UBASH3A: variants seen among roughly 807,000 people sequenced by gnomAD.
UBASH3A encodes the protein ubiquitin associated and SH3 domain containing A.
UBASH3A carries 63 observed loss-of-function variants against 73.5 expected under a neutral mutation model. The ratio of observed to expected loss-of-function variants is 0.86; its 90% CI spans 0.70 to 1.06. The LOEUF (loss-of-function observed/expected upper bound fraction) is 1.06, where lower values mean the gene tolerates loss of function less well. Among genes scored for constraint, UBASH3A ranks in the 50% least tolerant of loss-of-function variants. UBASH3A has a pLI of 0.00. For missense variants in UBASH3A, 860 were observed against 859.0 expected (o/e 1.00, Z -0.02); for synonymous variants, 363 against 351.1 (o/e 1.03, Z -0.38).
At position 42,403,917 on chromosome 21, in the gene UBASH3A, C is replaced by T. The variant is rs1166829687; in HGVS notation, c.-29C>T. 1.0e-5 allele frequency: 14 copies of T among 1,395,980 alleles called. No individual in the cohort carries two copies. Among genetic ancestry groups the T allele is most frequent in the African/African-American group, 5.9e-5 (4 of 68,064 alleles). 86.5% of individuals were successfully genotyped at this position (1,395,980 alleles called of 1,614,324 possible). A position where few individuals can be genotyped will look rare whatever the true frequency, so the allele number is the denominator to read the frequency against. ...TTATCTCCTCATTTCTGTGTGCAGG[C>T]GAGCTTCTTGGCCTAAGGGCAGGAA... On this transcript the variant is annotated 5_prime_UTR_variant, in exon 1 of 15. Coordinates refer to ENST00000319294, the MANE Select transcript of UBASH3A (RefSeq NM_018961.4).
intron 8 of UBASH3A, among the ~76,000 whole-genome samples, chr21:42,428,249 C>T (rs558138551): frequency 1.3e-5 from 2 of 152,222 alleles, no homozygotes; most frequent in African/African-American, 2.4e-5. Context: ...CCACACGCAG[C>T]GTCCCTGTCG....
chr21:42,405,041 A>G (rs2052939945), intron 1 of UBASH3A, among the ~76,000 whole-genome samples: 1 of 152,182 alleles, frequency 6.6e-6, no homozygotes, highest in Admixed American at 6.5e-5. Context: ...TATCAGAAAC[A>G]CACTTTAGGT....
At chr21:42,446,985 G>T (rs1221750582) in intron 14 of UBASH3A, 72 bp from the exon 15 acceptor site, 36 of 1,526,834 alleles carry the variant, frequency 2.4e-5, no homozygotes, top group Non-Finnish European at 3.0e-5. Context: ...CCTGACAGTT[G>T]GCTTTGGAGC....
At position 42,413,366 on chromosome 21, in the gene UBASH3A, TG is replaced by T; in HGVS notation, c.554-41del. 2 of 1,565,356 alleles carry T rather than the reference TG, an allele frequency of 1.3e-6. No homozygotes were observed. Among genetic ancestry groups the T allele is most frequent in the Non-Finnish European group, 1.7e-6 (2 of 1,142,916 alleles). On this transcript the variant is annotated intron_variant, in intron 4 of 14. Transcript: ENST00000319294. This position sits in a 1 kb window ranked among gnomAD's most constrained non-coding sequence, Gnocchi z 4.5. ...CAGCAGCAATGGTGGGATGGCTGGGTGGGCTTTCTTCCGGGCTCAGTGGCTG... is the reference window on the plus strand; with the variant it reads ...CAGCAGCAATGGTGGGATGGCTGGGTGGCTTTCTTCCGGGCTCAGTGGCTG...
chr21:42,432,750 G>C (rs1429773411), intron 9 of UBASH3A, among the ~76,000 whole-genome samples: 1 of 152,194 alleles, frequency 6.6e-6, no homozygotes, highest in African/African-American at 2.4e-5. Flanking sequence ...GCAGACCCAA[G>C]AAAGTGGTAA....
intron 2 of UBASH3A, among the ~76,000 whole-genome samples, chr21:42,408,142 C>T (rs768064022): frequency 1.3e-5 from 2 of 152,210 alleles, no homozygotes; most frequent in South Asian, 2.1e-4. Flanking sequence ...GTGGGAACCA[C>T]GATGGAGAGG....
chr21:42,435,023 C>T (rs2053601831), intron 10 of UBASH3A, 69 bp downstream of exon 10: 3 of 1,566,410 alleles, frequency 1.9e-6, no homozygotes, highest in Non-Finnish European at 1.7e-6. Flanking sequence ...TAGCAGGCAT[C>T]CAGCCTGAGC....
At chr21:42,440,667 G>A (rs1473729734) in intron 11 of UBASH3A, among the ~76,000 whole-genome samples, 1 of 152,246 alleles carries the variant, frequency 6.6e-6, no homozygotes, top group Non-Finnish European at 1.5e-5. Context: ...AGAGTCCCCA[G>A]GTCGCCTGTG....
intron 2 of UBASH3A, 131 bp from the exon 3 acceptor site, chr21:42,409,291 G>A: frequency 1.1e-6 from 1 of 895,836 alleles, no homozygotes; most frequent in South Asian, 1.9e-5. Context: ...TTTATGTCAT[G>A]AGCATATATG....
At position 42,409,373 on chromosome 21, in the gene UBASH3A, ACT is replaced by A. The variant is rs2053042926; in HGVS notation, c.168-46_168-45del. 3 of 1,498,850 alleles carry A rather than the reference ACT, an allele frequency of 2.0e-6. No homozygotes were observed. The African/African-American group carries it at 4.2e-5, about 21-fold the overall frequency. The allele number at this position is 1,498,850 out of a possible 1,614,324, so 92.8% of individuals were successfully genotyped here. On this transcript the variant is annotated intron_variant, in intron 2 of 14. Transcript: ENST00000319294. ...CTGTTGTGTATCCTCAAAGGGGAAA[ACT>A]CTTTTTGTTGTGACAGTGGGTGATG...
intron 8 of UBASH3A, among the ~76,000 whole-genome samples, chr21:42,429,600 G>T (rs2053495330): frequency 6.6e-6 from 1 of 152,194 alleles, no homozygotes; most frequent in Non-Finnish European, 1.5e-5. Context: ...TCTACTTGCA[G>T]ATCAGCTCTC....
chr21:42,437,817 G>A (rs932570600), intron 11 of UBASH3A, among the ~76,000 whole-genome samples: 2 of 152,176 alleles, frequency 1.3e-5, no homozygotes, highest in Non-Finnish European at 2.9e-5. Flanking sequence ...TAAATGCCAG[G>A]GCCTGTCCTC....
At chr21:42,446,650 T>C (rs1431302019) in intron 14 of UBASH3A, among the ~76,000 whole-genome samples, 1 of 152,234 alleles carries the variant, frequency 6.6e-6, no homozygotes, top group Non-Finnish European at 1.5e-5. Flanking sequence ...GAAAACTCAA[T>C]GTCTGTGTCT....
intron 13 of UBASH3A, 64 bp from the exon 14 acceptor site, chr21:42,444,470 C>T: frequency 2.4e-6 from 3 of 1,270,580 alleles, no homozygotes; most frequent in Admixed American, 1.7e-5. Context: ...CTTTGGGGAC[C>T]CCAGTCTAAT....
chr21:42,443,098 C>T (rs2053776893), intron 12 of UBASH3A: 1 of 1,344,824 alleles, frequency 7.4e-7, no homozygotes, highest in Non-Finnish European at 9.5e-7. Context: ...ATCACAGAGC[C>T]CTCCTGGTGT....
intron 7 of UBASH3A, among the ~76,000 whole-genome samples, chr21:42,420,171 G>A (rs1262962419): frequency 6.6e-6 from 1 of 152,106 alleles, no homozygotes; most frequent in South Asian, 2.1e-4. Context: ...GCAAGGGATT[G>A]GTTCCCGGAC....
rs762859430 is a variant in UBASH3A, at chr21:42,442,484, G to A, written c.1519G>A (p.Val507Met). ...LKLEKKIKIR[V>M]EPGIFEWTKW... ...ACTGGAGAAAAAAATCAAGATACGA[G>A]TGGAACCTGGAATCTTTGAATGGAC... Residue 507 changes from valine to methionine, a missense_variant, in exon 12 of 15, where the codon GTG becomes ATG. By Grantham distance (21) the Val-to-Met change is conservative. Coordinates refer to ENST00000319294, the MANE Select transcript of UBASH3A (RefSeq NM_018961.4). 2 of 1,614,164 alleles carry A rather than the reference G, an allele frequency of 1.2e-6. No individual in the cohort carries two copies. Among genetic ancestry groups the A allele is most frequent in the Admixed American group, 3.3e-5 (2 of 60,020 alleles).
At position 42,413,731 on chromosome 21, in the gene UBASH3A, C is replaced by T. The variant is rs893880411; in HGVS notation, c.667+208C>T. 6.6e-6 allele frequency among the ~76,000 whole-genome samples: 1 copy of T among 152,128 alleles called. No homozygotes were observed. Among genetic ancestry groups the T allele is most frequent in the Non-Finnish European group, 1.5e-5 (1 of 68,034 alleles). On this transcript the variant is annotated intron_variant, in intron 5 of 14. Transcript: ENST00000319294. This position sits in a 1 kb window ranked among gnomAD's most constrained non-coding sequence, Gnocchi z 4.5. Reference sequence around the variant, plus strand: ...ACACAGGGAGTCAGGGCCTCCCCACCCCAGCCTTGAGTGGGAGACACACAA... The same window carrying T: ...ACACAGGGAGTCAGGGCCTCCCCACTCCAGCCTTGAGTGGGAGACACACAA...
Position 42,447,294 on chromosome 21 carries a change from C to G in UBASH3A, c.*100C>G. On this transcript the variant is annotated 3_prime_UTR_variant, in exon 15 of 15. Transcript: ENST00000319294. ...TTTCCAGAGGCGTCTTAGTCTCACC[C>G]AATGTGATTTGTAGAAGCACGAGAC... 1.5e-6 allele frequency: 2 copies of G among 1,298,232 alleles called. No homozygotes were observed. The highest frequency in any genetic ancestry group is 4.7e-4 in the Middle Eastern group (2 of 4,278). 80.4% of individuals were successfully genotyped at this position (1,298,232 alleles called of 1,614,324 possible).
Sources: gnomAD v4.1 joint callset for allele counts (sites outside exome capture counted in the v4.1 genomes callset) on GRCh38, gnomAD v4.1.1 for gene constraint, Gnocchi (gnomAD v3.1) non-coding constraint, MANE v1.5 for transcripts, NCBI Gene and HGNC (gene_info 2026-07-23, HGNC 2026-07-21) for gene names.